PLB1: variants seen among roughly 807,000 people sequenced by gnomAD.
PLB1 encodes the protein phospholipase B1, membrane-associated.
Under a neutral mutation model 227.4 loss-of-function variants are expected in PLB1, and 242 were observed. That is an observed-to-expected ratio of 1.06 (90% CI 0.96 to 1.18). The LOEUF is 1.18. Among genes scored for constraint, PLB1 ranks in the 50% most tolerant of loss-of-function variants. PLB1 has a pLI of 0.00. For synonymous variants in PLB1, 757 were observed against 682.2 expected (o/e 1.11, Z -1.71); for missense variants, 1,858 against 1,816.3 (o/e 1.02, Z -0.42).
chr2:28,579,705 C>G lies in PLB1; in HGVS notation c.1564C>G (p.Leu522Val). 1 of 1,611,442 alleles carries G rather than the reference C, an allele frequency of 6.2e-7. No individual in the cohort carries two copies. Among genetic ancestry groups the G allele is most frequent in the Non-Finnish European group, 8.5e-7 (1 of 1,177,736 alleles). ...GNDLCDFCND[L>V]VHYSPQNFTD... is the part of the protein sequence containing the mutation. ...TGACCTCTGTGATTTCTGCAATGAT[C>G]TGGTAGGTCTCCAGGCACTTTACTC... The change falls in exon 23 of 58, where the codon CTG becomes GTG. Residue 522 changes from leucine to valine, a missense_variant and splice_region_variant. Transcript: ENST00000327757.
rs545372202 is a variant in PLB1 at position 28,552,740 on chromosome 2, G to T, written c.1084-188G>T. Among the ~76,000 whole-genome samples, 4 of 152,330 alleles carry T rather than the reference G, an allele frequency of 2.6e-5. No homozygotes were observed. The South Asian group carries it at 6.2e-4, about 24-fold the overall frequency. Reference sequence around the variant, plus strand: ...CAGAGGCACTGGAGCAGAGGGAACAGATTTGGGAGCACTTGGAAAAGATGT... The same window carrying T: ...CAGAGGCACTGGAGCAGAGGGAACATATTTGGGAGCACTTGGAAAAGATGT... On this transcript the variant is annotated intron_variant, in intron 16 of 57. Coordinates refer to ENST00000327757, the MANE Select transcript of PLB1 (RefSeq NM_153021.5).
chr2:28,557,446 A>G (rs12617735), intron 17 of PLB1, among the ~76,000 whole-genome samples: 64,396 of 152,080 alleles, frequency 0.42, 14,611 homozygotes, highest in South Asian at 0.55. Flanking sequence ...CTTGGTGACA[A>G]TTGAGAGAAA....
intron 26 of PLB1, among the ~76,000 whole-genome samples, chr2:28,587,197 C>T (rs1228777489): frequency 6.6e-6 from 1 of 152,326 alleles, no homozygotes; most frequent in South Asian, 2.1e-4. Flanking sequence ...AAAGTTCATG[C>T]AGTTTCTGGC....
At chr2:28,516,473 A>G (rs1472072544) in intron 1 of PLB1, among the ~76,000 whole-genome samples, 1 of 152,214 alleles carries the variant, frequency 6.6e-6, no homozygotes, top group Non-Finnish European at 1.5e-5. Flanking sequence ...GTCTGACATT[A>G]CCTTCTTTGT....
intron 4 of PLB1, among the ~76,000 whole-genome samples, chr2:28,521,260 C>T (rs1669498076): frequency 6.6e-6 from 1 of 152,212 alleles, no homozygotes; most frequent in African/African-American, 2.4e-5. Flanking sequence ...CTGTTCAAGT[C>T]CCTGCTTTCA....
At chr2:28,636,033 G>GTGTGTA (rs1553467805) in intron 56 of PLB1, among the ~76,000 whole-genome samples, 2 of 149,810 alleles carry the variant, frequency 1.3e-5, no homozygotes, top group African/African-American at 4.9e-5. Flanking sequence ...GTGTGTATGT[G>GTGTGTA]TGTGTGTGTA....
intron 9 of PLB1, among the ~76,000 whole-genome samples, chr2:28,533,848 T>G (rs74477258): frequency 0.049 from 7,531 of 152,326 alleles, 238 homozygotes; most frequent in East Asian, 0.085. Flanking sequence ...TGAATACATG[T>G]TGTATTCTTG....
At chr2:28,596,375 A>T (rs1421610567) in intron 33 of PLB1, among the ~76,000 whole-genome samples, 1 of 152,154 alleles carries the variant, frequency 6.6e-6, no homozygotes, top group Non-Finnish European at 1.5e-5. Context: ...GGAAGTTTTC[A>T]CTTTAAAATG....
chr2:28,626,012 T>C (rs1034888736), intron 50 of PLB1, among the ~76,000 whole-genome samples: 2 of 151,178 alleles, frequency 1.3e-5, no homozygotes, highest in Non-Finnish European at 3.0e-5. Context: ...TTTTTTTTTT[T>C]TTAGACGGAG....
chr2:28,541,886 ACTTTGGG>A, intron 13 of PLB1, 75 bp downstream of exon 13: 1 of 1,236,110 alleles, frequency 8.1e-7, no homozygotes, highest in Non-Finnish European at 1.2e-6. Flanking sequence ...TAATCCCAGC[ACTTTGGG>A]AGGCCGAGGT....
At chr2:28,544,266 C>T (rs993994683) in intron 14 of PLB1, among the ~76,000 whole-genome samples, 22 of 152,198 alleles carry the variant, frequency 1.4e-4, no homozygotes, top group African/African-American at 4.3e-4. Context: ...CTGGCACTTG[C>T]GGGGACTATG....
chr2:28,638,232 G>T (rs1032350348), intron 56 of PLB1, among the ~76,000 whole-genome samples: 1 of 151,888 alleles, frequency 6.6e-6, no homozygotes, highest in African/African-American at 2.4e-5. Flanking sequence ...CAGAGTAATG[G>T]TGGGGGAGAG....
Position 28,628,640 on chromosome 2 carries a change from G to T in PLB1, c.3726+12G>T, listed in dbSNP as rs761667952. On this transcript the variant is annotated intron_variant, in intron 52 of 57. Transcript: ENST00000327757. ...TCCTCTCTGAGGAGGTAGGAGAGGGGTTACGTGTTCCTGGGTCCCGCCAGC... is the reference window on the plus strand; with the variant it reads ...TCCTCTCTGAGGAGGTAGGAGAGGGTTTACGTGTTCCTGGGTCCCGCCAGC... The T allele has an allele frequency of 3.7e-6, 6 of 1,613,808 alleles. No individual in the cohort carries two copies. The highest frequency in any genetic ancestry group is 5.1e-6 in the Non-Finnish European group (6 of 1,179,820).
intron 9 of PLB1, among the ~76,000 whole-genome samples, chr2:28,535,935 A>G (rs181136751): frequency 1.2e-3 from 179 of 152,042 alleles, no homozygotes; most frequent in Non-Finnish European, 1.8e-3. Flanking sequence ...ACAAAACAAA[A>G]CAAAACAAAT....
intron 4 of PLB1, among the ~76,000 whole-genome samples, chr2:28,524,549 G>A (rs1669968016): frequency 6.6e-6 from 1 of 152,160 alleles, no homozygotes; most frequent in Non-Finnish European, 1.5e-5. Flanking sequence ...CACTGTTCTA[G>A]GTCCAAGGAA....
intron 53 of PLB1, among the ~76,000 whole-genome samples, chr2:28,630,042 G>A (rs781536623): frequency 1.3e-5 from 2 of 152,168 alleles, no homozygotes; most frequent in East Asian, 1.9e-4. Context: ...TGTCTGTATC[G>A]TGTTCCATGT....
rs140743248 is a variant in PLB1, at chr2:28,529,133, C to A, written c.326-184C>A. Among the ~76,000 whole-genome samples, 929 of 151,814 alleles carry A rather than the reference C, an allele frequency of 6.1e-3. 8 individuals carry two copies. The highest frequency in any genetic ancestry group is 0.011 in the Non-Finnish European group (727 of 67,904). On this transcript the variant is annotated intron_variant, in intron 6 of 57. Transcript: ENST00000327757. The stretch of plus-strand genomic sequence containing the variant: ...CGGCTGATTTTTGTTTTCATAGAGA[C>A]AGGGTTTTGCTCTGTTGCCCTGCCT...
chr2:28,610,831 C>G (rs1041030207), intron 43 of PLB1, among the ~76,000 whole-genome samples: 1 of 152,040 alleles, frequency 6.6e-6, no homozygotes, highest in African/African-American at 2.4e-5. Context: ...CAGCCCACAC[C>G]GTCTTTGCAT....
At chr2:28,601,388 T>C (rs1428254896) in intron 37 of PLB1, 56 bp downstream of exon 37, 2 of 1,452,570 alleles carry the variant, frequency 1.4e-6, no homozygotes, top group African/African-American at 1.4e-5. Flanking sequence ...CCAGTAGGCG[T>C]TGGAGATCTT....
Sources: allele counts gnomAD v4.1 joint callset (sites outside exome capture counted in the v4.1 genomes callset), GRCh38; gene constraint gnomAD v4.1.1; transcripts MANE v1.5; gene names NCBI Gene and HGNC (gene_info 2026-07-23, HGNC 2026-07-21).